The following CLPX variants were observed in gnomAD, a reference collection of about 807,000 sequenced individuals.
CLPX encodes caseinolytic mitochondrial matrix peptidase chaperone subunit X.
A neutral mutation model predicts 76.4 loss-of-function variants in CLPX; 34 were observed. That is an observed-to-expected ratio of 0.45 (90% CI 0.34 to 0.59). CLPX has a LOEUF of 0.59. Ranked by LOEUF, CLPX falls within the 20% of genes least tolerant of loss-of-function variation. The pLI, the probability that CLPX is intolerant of heterozygous loss-of-function variation, is 0.01. For synonymous variants in CLPX, 248 were observed against 270.9 expected (o/e 0.92, Z 0.83); for missense variants, 613 against 757.0 (o/e 0.81, Z 2.23).
chr15:65,179,015 A>G lies in CLPX; in HGVS notation c.277T>C (p.Ser93Pro). ...ASEGSSKKSG[S>P]GNSGKGGNQL... ...TTTCCACCTTTCCCAGAATTCCCAG[A>G]GCCTGATTTCTTACTACTTCCCTCA... is the stretch of plus-strand genomic sequence containing the variant. The change falls in exon 3 of 14, where the codon TCT becomes CCT. Residue 93 changes from serine to proline, a missense_variant. By Grantham distance (74) the Ser-to-Pro change is moderately conservative. Transcript: ENST00000300107. 6.2e-7 allele frequency: 1 copy of G among 1,612,040 alleles called. No homozygotes were observed. Among genetic ancestry groups the G allele is most frequent in the African/African-American group, 1.3e-5 (1 of 75,018 alleles).
chr15:65,183,540 A>G (rs1259452594), intron 1 of CLPX, among the ~76,000 whole-genome samples: 1 of 151,742 alleles, frequency 6.6e-6, no homozygotes, highest in African/African-American at 2.4e-5. Context: ...GACAGAAAGG[A>G]AAGAAAGACA....
intron 4 of CLPX, 125 bp downstream of exon 4, chr15:65,166,506 C>A: frequency 1.0e-6 from 1 of 986,854 alleles, no homozygotes; most frequent in Non-Finnish European, 1.5e-6. Flanking sequence ...CACATATGGT[C>A]CATATTATGA....
intron 3 of CLPX, among the ~76,000 whole-genome samples, chr15:65,176,283 C>G (rs942658205): frequency 6.6e-5 from 10 of 152,200 alleles, no homozygotes; most frequent in Non-Finnish European, 1.5e-4. Flanking sequence ...CTAATACAAC[C>G]TGGCAAGTTT....
chr15:65,168,772 C>T (rs2140634577), intron 3 of CLPX, among the ~76,000 whole-genome samples: 1 of 151,962 alleles, frequency 6.6e-6, no homozygotes, highest in Non-Finnish European at 1.5e-5. Flanking sequence ...TGCGGATACA[C>T]AGTGGATGAA....
In CLPX at chr15:65,156,942, AAGG is replaced by A; in HGVS notation, c.1058-13_1058-11del. 6.4e-7 allele frequency: 1 copy of A among 1,570,944 alleles called. No individual in the cohort carries two copies. Among genetic ancestry groups the A allele is most frequent in the Non-Finnish European group, 8.7e-7 (1 of 1,143,556 alleles). On this transcript the variant is annotated splice_polypyrimidine_tract_variant and intron_variant, in intron 8 of 13. Transcript: ENST00000300107. ...TCCAGAAAGACAATTCCTATAATTT[AAGG>A]AGGATTCTATTTATAATACGAAAAA... is the stretch of plus-strand genomic sequence containing the variant.
chr15:65,156,156 G>A (rs1264586161), intron 9 of CLPX, among the ~76,000 whole-genome samples: 1 of 152,176 alleles, frequency 6.6e-6, no homozygotes, highest in Admixed American at 6.5e-5. Flanking sequence ...AATTATGACT[G>A]TATAAAATGG....
chr15:65,176,870 C>T (rs1467364792), intron 3 of CLPX, among the ~76,000 whole-genome samples: 1 of 151,902 alleles, frequency 6.6e-6, no homozygotes, highest in Non-Finnish European at 1.5e-5. Flanking sequence ...GCTGGGATTA[C>T]AGGTGTAAGC....
chr15:65,164,226 T>C, intron 4 of CLPX, 38 bp from the exon 5 acceptor site: 1 of 1,515,382 alleles, frequency 6.6e-7, no homozygotes, highest in African/African-American at 1.4e-5. Flanking sequence ...TAATATGAGC[T>C]ATTATAAGAG....
rs147733776 is a variant in CLPX, at chr15:65,184,038, C to T, written c.79+1037G>A. 4.3e-3 allele frequency among the ~76,000 whole-genome samples: 660 copies of T among 152,302 alleles called. 8 individuals carry two copies. Among genetic ancestry groups the T allele is most frequent in the African/African-American group, 0.015 (615 of 41,536 alleles). ...TTACAAAATGCTTCTGCCCACGTTA[C>T]CTCATTCAATCCTTCCTTCTGTAGT... On this transcript the variant is annotated intron_variant, in intron 1 of 13. Coordinates refer to ENST00000300107, the MANE Select transcript of CLPX (RefSeq NM_006660.5).
chr15:65,166,868 A>G (rs2087921772), intron 3 of CLPX, 83 bp from the exon 4 acceptor site: 1 of 1,349,616 alleles, frequency 7.4e-7, no homozygotes, highest in Non-Finnish European at 1.0e-6. Flanking sequence ...ACTGTAAATG[A>G]AAGCTACGCA....
At chr15:65,170,465 A>G (rs867037580) in intron 3 of CLPX, among the ~76,000 whole-genome samples, 4 of 152,232 alleles carry the variant, frequency 2.6e-5, no homozygotes, top group Non-Finnish European at 5.9e-5. Flanking sequence ...ACAATTCCAT[A>G]TTAAAAAAAC....
At chr15:65,171,706 A>C (rs1370913531) in intron 3 of CLPX, among the ~76,000 whole-genome samples, 1 of 152,244 alleles carries the variant, frequency 6.6e-6, no homozygotes, top group Non-Finnish European at 1.5e-5. Context: ...ATTAAAGGGC[A>C]GAGAAGCCGC....
intron 6 of CLPX, among the ~76,000 whole-genome samples, chr15:65,161,830 T>C (rs931005076): frequency 6.6e-6 from 1 of 152,068 alleles, no homozygotes; most frequent in African/African-American, 2.4e-5. Flanking sequence ...TCTATAAATT[T>C]AAAAATAACT....
At chr15:65,155,282 A>G (rs1262459928) in intron 10 of CLPX, among the ~76,000 whole-genome samples, 1 of 152,228 alleles carries the variant, frequency 6.6e-6, no homozygotes, top group Non-Finnish European at 1.5e-5. Flanking sequence ...TGGCAAAGCC[A>G]GAATTTGAAC....
chr15:65,176,484 T>C (rs1490829077), intron 3 of CLPX, among the ~76,000 whole-genome samples: 2 of 152,222 alleles, frequency 1.3e-5, no homozygotes, highest in Non-Finnish European at 2.9e-5. Flanking sequence ...GAATACTCTT[T>C]GTTCTGGCAA....
chr15:65,167,454 T>G (rs949072257), intron 3 of CLPX, among the ~76,000 whole-genome samples: 1 of 152,138 alleles, frequency 6.6e-6, no homozygotes, highest in Non-Finnish European at 1.5e-5. Context: ...ACTAAAAAAG[T>G]AAAATACAAG....
At position 65,185,227 on chromosome 15, in the gene CLPX, G is replaced by A; in HGVS notation, c.-74C>T. Reference sequence around the variant, plus strand: ...ACAGCGGCGTGAATCCTGCCCGCAAGGCGCGCTGACTCGGTTCCGAACCCT... The same window carrying A: ...ACAGCGGCGTGAATCCTGCCCGCAAAGCGCGCTGACTCGGTTCCGAACCCT... On this transcript the variant is annotated 5_prime_UTR_variant, in exon 1 of 14. Coordinates refer to ENST00000300107, the MANE Select transcript of CLPX (RefSeq NM_006660.5). The A allele has an allele frequency of 4.6e-6, 6 of 1,312,358 alleles. No individual in the cohort carries two copies. The highest frequency in any genetic ancestry group is 6.4e-6 in the Non-Finnish European group (6 of 939,492). 81.3% of individuals were successfully genotyped at this position (1,312,358 alleles called of 1,614,324 possible). A position where few individuals can be genotyped will look rare whatever the true frequency, so the allele number is the denominator to read the frequency against.
chr15:65,168,908 G>C (rs1344503580), intron 3 of CLPX, among the ~76,000 whole-genome samples: 1 of 150,438 alleles, frequency 6.6e-6, no homozygotes, highest in East Asian at 1.9e-4. Context: ...CCAGGCTGAA[G>C]TGCAGTGGCG....
chr15:65,169,055 GCT>G (rs1055336198), intron 3 of CLPX, among the ~76,000 whole-genome samples: 1 of 144,284 alleles, frequency 6.9e-6, no homozygotes, highest in African/African-American at 2.6e-5. Flanking sequence ...ATGGAGTCTT[GCT>G]CTGTCGCCCA....
Sources: allele counts gnomAD v4.1 joint callset (sites outside exome capture counted in the v4.1 genomes callset), GRCh38; gene constraint gnomAD v4.1.1; transcripts MANE v1.5; gene names NCBI Gene and HGNC (gene_info 2026-07-23, HGNC 2026-07-21).